Variants in ADAM12 observed in about 807,000 individuals in gnomAD.
The protein encoded by ADAM12 is ADAM metallopeptidase domain 12, also known as disintegrin and metalloproteinase domain-containing protein 12.
In ADAM12, 70 loss-of-function variants were observed where a neutral mutation model predicts 106.4. That is an observed-to-expected ratio of 0.66 (90% CI 0.54 to 0.80). The LOEUF (loss-of-function observed/expected upper bound fraction) is 0.80. Ranked by LOEUF, ADAM12 falls within the 30% of genes least tolerant of loss-of-function variation. The pLI is 0.00. For synonymous variants in ADAM12, 420 were observed against 433.5 expected (o/e 0.97, Z 0.39); for missense variants, 1,010 against 1,171.9 (o/e 0.86, Z 2.02).
At chr10:126,019,893 C>T in intron 21 of ADAM12, 68 bp from the exon 22 acceptor site, 3 of 1,505,684 alleles carry the variant, frequency 2.0e-6, no homozygotes, top group South Asian at 1.3e-5. Flanking sequence ...AGAAGCAGGG[C>T]CTGCCGCTTG....
At chr10:126,234,046 G>C (rs560664260) in intron 3 of ADAM12, among the ~76,000 whole-genome samples, 1 of 152,164 alleles carries the variant, frequency 6.6e-6, no homozygotes, top group African/African-American at 2.4e-5. Context: ...CGGGCCTCCC[G>C]AGGAAAGTAA....
At chr10:126,368,129 G>GTA (rs1469809855) in intron 1 of ADAM12, among the ~76,000 whole-genome samples, 1 of 151,904 alleles carries the variant, frequency 6.6e-6, no homozygotes, top group African/African-American at 2.4e-5. Context: ...ATGCATGTGT[G>GTA]TATATATATG....
At chr10:126,258,641 C>T (rs531654811) in intron 3 of ADAM12, among the ~76,000 whole-genome samples, 2 of 152,282 alleles carry the variant, frequency 1.3e-5, no homozygotes, top group South Asian at 2.1e-4. Flanking sequence ...TCTCTCAGCC[C>T]ATGCCCTGGC....
At chr10:126,377,527 C>T (rs541264744) in intron 1 of ADAM12, among the ~76,000 whole-genome samples, 1 of 152,220 alleles carries the variant, frequency 6.6e-6, no homozygotes, top group Non-Finnish European at 1.5e-5. Flanking sequence ...GAAGCCCATC[C>T]AGATTAAGGG....
rs534489459 is a variant in ADAM12 at position 126,115,317 on chromosome 10, C to T, written c.603+2721G>A. ...CCATCTTTGCCTTGCTCAGAGCTTG[C>T]TTAGGATGATGTTAAAATTAGTTTG... On this transcript the variant is annotated intron_variant, in intron 6 of 22. Coordinates refer to ENST00000448723, the MANE Select transcript of ADAM12 (RefSeq NM_001288973.2). Among the ~76,000 whole-genome samples, 5 of 152,240 alleles carry T rather than the reference C, an allele frequency of 3.3e-5. No individual in the cohort carries two copies. The East Asian group carries it at 9.7e-4, about 29-fold the overall frequency.
chr10:126,153,997 C>T (rs576269047), intron 4 of ADAM12, among the ~76,000 whole-genome samples: 30 of 152,314 alleles, frequency 2.0e-4, no homozygotes, highest in African/African-American at 7.0e-4. Context: ...AATTCTTCCT[C>T]CCAGCCCCCA....
intron 1 of ADAM12, among the ~76,000 whole-genome samples, chr10:126,332,791 G>A (rs765915719): frequency 5.9e-5 from 9 of 152,166 alleles, no homozygotes; most frequent in Non-Finnish European, 1.2e-4. Context: ...CGCATCGGCC[G>A]GTTTCAACGG....
intron 3 of ADAM12, among the ~76,000 whole-genome samples, chr10:126,188,497 T>C (rs1421669301): frequency 1.3e-5 from 2 of 152,206 alleles, no homozygotes; most frequent in Non-Finnish European, 2.9e-5. Context: ...AAACCTATTA[T>C]GCCTCATGCA....
At chr10:126,142,824 C>T (rs1956538547) in intron 4 of ADAM12, among the ~76,000 whole-genome samples, 1 of 151,928 alleles carries the variant, frequency 6.6e-6, no homozygotes, top group South Asian at 2.1e-4. Flanking sequence ...GGTGGGTGAG[C>T]GTACATGTGT....
At chr10:126,185,969 A>G (rs183802358) in intron 3 of ADAM12, among the ~76,000 whole-genome samples, 9 of 152,332 alleles carry the variant, frequency 5.9e-5, no homozygotes, top group Admixed American at 1.3e-4. Flanking sequence ...TTTTGTTTAA[A>G]TGTTCTGTCT....
At chr10:126,106,172 G>A (rs879368577) in intron 8 of ADAM12, among the ~76,000 whole-genome samples, 2 of 152,086 alleles carry the variant, frequency 1.3e-5, no homozygotes, top group African/African-American at 4.8e-5. Flanking sequence ...TGAGGTCCCG[G>A]GACTCACAGT....
rs1959285763 is a variant in ADAM12 at position 126,277,039 on chromosome 10, G to A, written c.260+1876C>T. On this transcript the variant is annotated intron_variant, in intron 3 of 22. Coordinates refer to ENST00000448723, the MANE Select transcript of ADAM12 (RefSeq NM_001288973.2). Reference sequence around the variant, plus strand: ...TGTGTCCATTATGAAGCTAAATGAAGTAGCAGGGTATAAAATTGCATACAG... The same window carrying A: ...TGTGTCCATTATGAAGCTAAATGAAATAGCAGGGTATAAAATTGCATACAG... Among the ~76,000 whole-genome samples, 4 of 152,116 alleles carry A rather than the reference G, an allele frequency of 2.6e-5. 1 individual carries two copies.
chr10:126,116,720 C>T (rs950372930), intron 6 of ADAM12, among the ~76,000 whole-genome samples: 3 of 151,910 alleles, frequency 2.0e-5, no homozygotes, highest in Non-Finnish European at 4.4e-5. Context: ...GTGAGGGTTA[C>T]ACAAGTAGAA....
intron 20 of ADAM12, among the ~76,000 whole-genome samples, chr10:126,037,549 C>CTGT (rs769286806): frequency 3.9e-5 from 6 of 152,126 alleles, no homozygotes; most frequent in African/African-American, 1.2e-4. Context: ...ATCTTGTTCA[C>CTGT]TGTTATAATT....
intron 3 of ADAM12, 94 bp from the exon 4 acceptor site, chr10:126,155,399 ACCT>A: frequency 1.8e-6 from 2 of 1,110,922 alleles, no homozygotes; most frequent in Non-Finnish European, 2.5e-6. Flanking sequence ...CAAGATTGTG[ACCT>A]CCTTTTTTTT....
intron 3 of ADAM12, 88 bp downstream of exon 3, chr10:126,278,827 T>G: frequency 9.8e-7 from 1 of 1,018,566 alleles, no homozygotes; most frequent in East Asian, 2.7e-5. Flanking sequence ...GTTCTTTGTT[T>G]CTAAACCCCA....
intron 2 of ADAM12, among the ~76,000 whole-genome samples, chr10:126,326,743 T>A (rs1854317158): frequency 1.3e-5 from 2 of 151,872 alleles, no homozygotes; most frequent in Admixed American, 1.3e-4. Context: ...AGGGCCCTGC[T>A]CACCTCTCTA....
At position 126,039,394 on chromosome 10, in the gene ADAM12, T is replaced by G; in HGVS notation, c.2140A>C (p.Ile714Leu). ...QGLTIGILVT[I>L]LCLLAAGFVV... ...AATCCGGCAGCAAGAAGACACAGGA[T>G]GGTCACCAGAATTCCTATGGTTAAA... The change falls in exon 19 of 23, where the codon ATC becomes CTC. Residue 714 changes from isoleucine to leucine, a missense_variant. This residue lies in a region of ADAM12 where 615 missense variants were observed against 708.5 expected (regional missense o/e 0.87). Coordinates refer to ENST00000448723, the MANE Select transcript of ADAM12 (RefSeq NM_001288973.2). 6.2e-7 allele frequency: 1 copy of G among 1,614,178 alleles called. No individual in the cohort carries two copies. The highest frequency in any genetic ancestry group is 8.5e-7 in the Non-Finnish European group (1 of 1,180,028).
At chr10:126,137,910 G>A (rs2133683204) in intron 4 of ADAM12, among the ~76,000 whole-genome samples, 1 of 152,306 alleles carries the variant, frequency 6.6e-6, no homozygotes, top group South Asian at 2.1e-4. Context: ...GTAGACACGT[G>A]GGTCTAAAAG....
Sources: allele counts gnomAD v4.1 joint callset (sites outside exome capture counted in the v4.1 genomes callset), GRCh38; gene constraint gnomAD v4.1.1; regional missense constraint gnomAD v4.1.1; transcripts MANE v1.5; gene names NCBI Gene and HGNC (gene_info 2026-07-23, HGNC 2026-07-21).